The following GABRB1 variants were observed in gnomAD, a reference collection of about 807,000 sequenced individuals.
GABRB1 encodes gamma-aminobutyric acid receptor subunit beta-1.
A neutral mutation model predicts 51.6 loss-of-function variants in GABRB1; 17 were observed. The observed-to-expected ratio is 0.33, with a 90% CI of 0.23 to 0.49. The LOEUF (loss-of-function observed/expected upper bound fraction) is 0.49. GABRB1 is among the 20% of genes least tolerant of loss of function. The probability of loss-of-function intolerance (pLI) is 0.99; values close to 1 mark genes in which losing one functional copy is unlikely to be tolerated. For synonymous variants in GABRB1, 247 were observed against 218.9 expected, an observed-to-expected ratio of 1.13 and a Z score of -1.14; for missense variants, 410 against 600.6, an observed-to-expected ratio of 0.68 and a Z score of 3.32.
chr4:47,246,334 GTACATATATATATATATATATA>G (rs1721748231), intron 4 of GABRB1, among the ~76,000 whole-genome samples: 1 of 7,654 alleles, frequency 1.3e-4, no homozygotes, highest in African/African-American at 4.3e-4. Flanking sequence ...ACACACATAT[GTACATATATATATATATATATA>G]TATATATATA....
At chr4:47,398,975 G>A (rs1176306792) in intron 5 of GABRB1, among the ~76,000 whole-genome samples, 1 of 152,066 alleles carries the variant, frequency 6.6e-6, no homozygotes, top group Non-Finnish European at 1.5e-5. Flanking sequence ...TATTTTTAGT[G>A]GAGACGGGGT....
At chr4:47,128,949 A>G (rs1395117375) in intron 3 of GABRB1, among the ~76,000 whole-genome samples, 2 of 152,092 alleles carry the variant, frequency 1.3e-5, no homozygotes, top group Non-Finnish European at 2.9e-5. Flanking sequence ...CCTACTTGTG[A>G]CCTACTCTTT....
At chr4:47,033,521 C>A (rs1263508210) in intron 3 of GABRB1, among the ~76,000 whole-genome samples, 1 of 152,046 alleles carries the variant, frequency 6.6e-6, no homozygotes, top group East Asian at 1.9e-4. Flanking sequence ...AATGTTATGG[C>A]GGCAGAAATT....
chr4:47,385,929 A>G (rs997677430), intron 5 of GABRB1, among the ~76,000 whole-genome samples: 1 of 152,200 alleles, frequency 6.6e-6, no homozygotes, highest in African/African-American at 2.4e-5. Context: ...AAAGAGACAC[A>G]TAGGGCAAAG....
At chr4:47,134,060 A>T (rs1298497786) in intron 3 of GABRB1, among the ~76,000 whole-genome samples, 1 of 152,172 alleles carries the variant, frequency 6.6e-6, no homozygotes, top group Admixed American at 6.5e-5. Flanking sequence ...AAATGATTAG[A>T]GGGAGACTGG....
chr4:47,278,833 C>T (rs991607856), intron 4 of GABRB1, among the ~76,000 whole-genome samples: 2 of 152,088 alleles, frequency 1.3e-5, no homozygotes, highest in Admixed American at 6.6e-5. Flanking sequence ...TCACCAGTTG[C>T]CCTGTTTCTA....
chr4:47,005,873 A>G (rs558289871), intron 1 of GABRB1, among the ~76,000 whole-genome samples: 1 of 148,646 alleles, frequency 6.7e-6, no homozygotes, highest in South Asian at 2.2e-4. Flanking sequence ...AACTTTCAGG[A>G]TTTTAATCTT....
At chr4:47,392,901 ACAG>A (rs1384138098) in intron 5 of GABRB1, among the ~76,000 whole-genome samples, 2 of 152,256 alleles carry the variant, frequency 1.3e-5, no homozygotes, top group African/African-American at 4.8e-5. Flanking sequence ...TCTGTTGCAG[ACAG>A]CAGAAGTCCA....
chr4:47,052,376 C>G (rs1264793443), intron 3 of GABRB1, among the ~76,000 whole-genome samples: 1 of 152,194 alleles, frequency 6.6e-6, no homozygotes, highest in Admixed American at 6.5e-5. Context: ...CCTTCTGAGG[C>G]TGCAAACTCA....
intron 8 of GABRB1, among the ~76,000 whole-genome samples, chr4:47,414,487 G>A (rs2110062310): frequency 6.6e-6 from 1 of 152,302 alleles, no homozygotes; most frequent in African/African-American, 2.4e-5. Flanking sequence ...AATCAGATAT[G>A]CATTTATCTC....
intron 5 of GABRB1, among the ~76,000 whole-genome samples, chr4:47,330,711 C>T (rs908452817): frequency 6.6e-6 from 1 of 152,070 alleles, no homozygotes; most frequent in Non-Finnish European, 1.5e-5. Context: ...ATCTAGACTG[C>T]TGGGAGTTTA....
intron 4 of GABRB1, among the ~76,000 whole-genome samples, chr4:47,291,775 T>C (rs1723744187): frequency 6.6e-6 from 1 of 152,200 alleles, no homozygotes; most frequent in Non-Finnish European, 1.5e-5. Context: ...CCCTTTGTTT[T>C]GGCCAGTATC....
intron 4 of GABRB1, among the ~76,000 whole-genome samples, chr4:47,230,212 G>A (rs1721088795): frequency 6.6e-6 from 1 of 152,246 alleles, no homozygotes; most frequent in South Asian, 2.1e-4. Flanking sequence ...GGAATTATAT[G>A]AGCATGTGGT....
intron 4 of GABRB1, among the ~76,000 whole-genome samples, chr4:47,162,984 T>G (rs1718027070): frequency 6.6e-6 from 1 of 152,076 alleles, no homozygotes; most frequent in Non-Finnish European, 1.5e-5. Context: ...TCTTTCCCAC[T>G]TCCTCTTCCC....
intron 4 of GABRB1, 145 bp downstream of exon 4, chr4:47,161,614 A>C (rs1324507349): frequency 1.6e-6 from 1 of 627,254 alleles, no homozygotes. Context: ...GTCTATTACA[A>C]ACCCTCATGT....
At chr4:46,994,384 T>C (rs966869239) in intron 1 of GABRB1, 1 of 150,368 alleles carries the variant, frequency 6.7e-6, no homozygotes, top group Admixed American at 6.7e-5. Flanking sequence ...CAGAATGGAG[T>C]TGACTTACTT....
chr4:47,424,373 T>C (rs1729194824), intron 8 of GABRB1, among the ~76,000 whole-genome samples: 1 of 152,072 alleles, frequency 6.6e-6, no homozygotes, highest in Non-Finnish European at 1.5e-5. Flanking sequence ...TAAAATAGGG[T>C]TGCTGTATTA....
intron 3 of GABRB1, among the ~76,000 whole-genome samples, chr4:47,081,480 A>G (rs1257764430): frequency 6.6e-6 from 1 of 152,128 alleles, no homozygotes; most frequent in Non-Finnish European, 1.5e-5. Context: ...TAGTATTACA[A>G]CTTCTTTTTG....
At chr4:47,379,979 A>G (rs1727536370) in intron 5 of GABRB1, among the ~76,000 whole-genome samples, 1 of 152,198 alleles carries the variant, frequency 6.6e-6, no homozygotes. Flanking sequence ...TGTACGTAAA[A>G]GGCCCAGTTC....
Sources: allele counts gnomAD v4.1 joint callset (sites outside exome capture counted in the v4.1 genomes callset), GRCh38; gene constraint gnomAD v4.1.1; transcripts MANE v1.5; gene names NCBI Gene and HGNC (gene_info 2026-07-23, HGNC 2026-07-21).